EPB41L1: variants seen among roughly 807,000 people sequenced by gnomAD.
EPB41L1 encodes erythrocyte membrane protein band 4.1 like 1.
EPB41L1 carries 29 observed loss-of-function variants against 97.8 expected under a neutral mutation model. The observed-to-expected ratio is 0.30, with a 90% CI of 0.22 to 0.40. The LOEUF is 0.40. Ranked by LOEUF, EPB41L1 falls within the 10% of genes least tolerant of loss-of-function variation. EPB41L1 has a pLI of 1.00. For synonymous variants in EPB41L1, 383 were observed against 459.2 expected, an observed-to-expected ratio of 0.83 and a Z score of 2.12; for missense variants, 812 against 1,162.3, an observed-to-expected ratio of 0.70 and a Z score of 4.38.
At chr20:36,227,742 G>A (rs2064256475) in intron 21 of EPB41L1, among the ~76,000 whole-genome samples, 1 of 152,182 alleles carries the variant, frequency 6.6e-6, no homozygotes, top group Non-Finnish European at 1.5e-5. Flanking sequence ...AGTTAACTCT[G>A]TCTTCCTTCT....
Position 36,206,680 on chromosome 20 carries a change from A to G in EPB41L1, c.1669-2808A>G. On this transcript the variant is annotated intron_variant, in intron 14 of 21. Transcript: ENST00000338074. This position sits in a 1 kb window ranked among gnomAD's most constrained non-coding sequence, Gnocchi z 5.5. ...AAAGGAAGGGGCAGGGACCCCCAAG[A>G]ACCATGGAGGACCTGGTGACCTGAA... 6 of 1,289,812 alleles carry G rather than the reference A, an allele frequency of 4.7e-6. No homozygotes were observed. The highest frequency in any genetic ancestry group is 6.1e-6 in the Non-Finnish European group (6 of 988,860). The allele number at this position is 1,289,812 out of a possible 1,614,324, so 79.9% of individuals were successfully genotyped here.
rs372366944 is a variant in EPB41L1 at position 36,175,610 on chromosome 20, G to A, written c.237G>A (p.Thr79=). The A allele has an allele frequency of 3.2e-5, 51 of 1,614,162 alleles. No homozygotes were observed. The highest frequency in any genetic ancestry group is 4.0e-5 in the African/African-American group (3 of 75,050). Residue 79 remains threonine (T), a synonymous_variant, in exon 3 of 22, where the codon ACG becomes ACA. Transcript: ENST00000338074. ...CCGATGGCCTTTCGGAGAGGACCAC[G>A]CCCAGCAAGGCCCAGAAATCGCCCC... The part of the protein sequence containing the change: ...SEADGLSERT[T]PSKAQKSPQK...
At position 36,134,244 on chromosome 20, in the gene EPB41L1, C is replaced by A. The variant is rs531012130; in HGVS notation, c.-10+21764C>A. Among the ~76,000 whole-genome samples the A allele has an allele frequency of 7.6e-4, 115 of 152,252 alleles. 1 individual carries two copies. The highest frequency in any genetic ancestry group is 2.6e-3 in the African/African-American group (106 of 41,522). On this transcript the variant is annotated intron_variant, in intron 2 of 19. Coordinates refer to the EPB41L1 transcript ENST00000202028. ...CAAATATGTAAACTTAAGCTTGACA[C>A]AACAAGAAATAGCGATGGTGAAATA...
At chr20:36,193,167 G>A (rs2062037701) in intron 11 of EPB41L1, among the ~76,000 whole-genome samples, 1 of 152,166 alleles carries the variant, frequency 6.6e-6, no homozygotes, top group Admixed American at 6.5e-5. Context: ...GCCCAGAGCT[G>A]GTGAAGCTCA....
chr20:36,222,450 C>T (rs751987646), intron 21 of EPB41L1, 56 bp downstream of exon 21: 4 of 1,366,260 alleles, frequency 2.9e-6, no homozygotes, highest in Admixed American at 3.4e-5. Context: ...GTAGCAAGAT[C>T]CTCTGAGGGC....
At position 36,093,229 on chromosome 20, in the gene EPB41L1, G is replaced by A. The variant is rs1324964699; in HGVS notation, c.-65+1617G>A. On this transcript the variant is annotated intron_variant, in intron 1 of 19. Coordinates refer to the EPB41L1 transcript ENST00000202028. This position sits in a 1 kb window ranked among gnomAD's most constrained non-coding sequence, Gnocchi z 5.4. The stretch of plus-strand genomic sequence containing the variant: ...TGTCTGTCGGTGAATGTATCTGTGA[G>A]AGGGTGTGTCCGAATGTGTAGCAGT... Among the ~76,000 whole-genome samples, 2 of 152,100 alleles carry A rather than the reference G, an allele frequency of 1.3e-5. No homozygotes were observed. Among genetic ancestry groups the A allele is most frequent in the African/African-American group, 2.4e-5 (1 of 41,422 alleles).
intron 1 of EPB41L1, among the ~76,000 whole-genome samples, chr20:36,107,515 G>A (rs541296630): frequency 6.9e-6 from 1 of 145,726 alleles, no homozygotes; most frequent in Non-Finnish European, 1.5e-5. Flanking sequence ...CACCGTGCCC[G>A]GCTTTTTTTT....
chr20:36,121,166 C>G (rs188212939), intron 2 of EPB41L1, among the ~76,000 whole-genome samples: 5 of 151,910 alleles, frequency 3.3e-5, no homozygotes, highest in African/African-American at 1.2e-4. Context: ...CAGAAAGCAG[C>G]CCTCAGTAGA....
chr20:36,154,743 C>T lies in EPB41L1; in HGVS notation c.-168C>T, dbSNP rs896973102. 143 of 986,276 alleles carry T rather than the reference C, an allele frequency of 1.4e-4. No homozygotes were observed. The highest frequency in any genetic ancestry group is 5.2e-4 in the Middle Eastern group (1 of 1,940). The allele number at this position is 986,276 out of a possible 1,614,324, so 61.1% of individuals were successfully genotyped here. ...CCGCCGCCGCCGCCGCTGCTGCAGT[C>T]GGCATCCATCAGCGGGCGGGGGTGT... On this transcript the variant is annotated 5_prime_UTR_variant, in exon 1 of 22. Coordinates refer to ENST00000338074, the MANE Select transcript of EPB41L1 (RefSeq NM_012156.2). The surrounding 1 kb of genome is among the most constrained non-coding windows in gnomAD (Gnocchi z 5.5).
Position 36,132,577 on chromosome 20 carries a change from G to GC in EPB41L1, c.-10+20097_-10+20098insC, listed in dbSNP as rs1315077822. Among the ~76,000 whole-genome samples, 6 of 128,116 alleles carry GC rather than the reference G, an allele frequency of 4.7e-5. 1 individual carries two copies. In the East Asian group the frequency reaches 1.7e-3, roughly 37 times the overall value. The allele number at this position is 128,116 out of a possible 152,430, so 84.0% of individuals were successfully genotyped here. On this transcript the variant is annotated intron_variant, in intron 2 of 19. Transcript: ENST00000202028. Reference sequence around the variant, plus strand: ...GGACATCTTTGTGGGCGGGGGGGGGGGGCGCATTATTATGCCTGCCACAGC... The same window carrying GC: ...GGACATCTTTGTGGGCGGGGGGGGGGCGGCGCATTATTATGCCTGCCACAGC...
At chr20:36,229,284 T>TGCG in intron 21 of EPB41L1, 48 bp from the exon 22 acceptor site, 1 of 1,440,986 alleles carries the variant, frequency 6.9e-7, no homozygotes, top group Non-Finnish European at 9.7e-7. Flanking sequence ...TTCCTTCCTT[T>TGCG]CCCCCCACTC....
At chr20:36,127,514 C>T (rs909871017) in intron 2 of EPB41L1, among the ~76,000 whole-genome samples, 23 of 152,252 alleles carry the variant, frequency 1.5e-4, no homozygotes, top group Admixed American at 2.6e-4. Flanking sequence ...TCCCCTTGCT[C>T]ATTCGTCTTT....
At chr20:36,112,511 C>A (rs180741726) in intron 2 of EPB41L1, 1 of 152,386 alleles carries the variant, frequency 6.6e-6, no homozygotes, top group Admixed American at 6.5e-5. Context: ...GACTTATTCT[C>A]CTTCTGCTGA....
At chr20:36,161,994 G>A (rs943834415) in intron 1 of EPB41L1, among the ~76,000 whole-genome samples, 2 of 152,142 alleles carry the variant, frequency 1.3e-5, no homozygotes, top group African/African-American at 4.8e-5. Context: ...AAACTCCTGG[G>A]CTCAAGCAAT....
intron 14 of EPB41L1, among the ~76,000 whole-genome samples, chr20:36,205,353 C>A (rs933084763): frequency 6.6e-6 from 1 of 152,208 alleles, no homozygotes; most frequent in African/African-American, 2.4e-5. Flanking sequence ...CTAACAGTGA[C>A]CTTGGGCAAG....
chr20:36,185,439 C>T, intron 7 of EPB41L1, 104 bp downstream of exon 7: 1 of 1,082,066 alleles, frequency 9.2e-7, no homozygotes. Context: ...TGTTTGTACC[C>T]CGCCTGGCTC....
intron 1 of EPB41L1, chr20:36,155,363 C>T (rs2060250466): frequency 2.8e-6 from 1 of 361,236 alleles, no homozygotes; most frequent in South Asian, 2.1e-5. Context: ...CCTCCCCTTC[C>T]GTCTCCCTTC....
chr20:36,213,591 TTTTAGTAACACGTGTTTCTG>T (rs2146895413), intron 16 of EPB41L1, among the ~76,000 whole-genome samples: 1 of 152,304 alleles, frequency 6.6e-6, no homozygotes, highest in Admixed American at 6.5e-5. Flanking sequence ...ACCTGTTTTG[TTTTAGTAACACGTGTTTCTG>T]TTGTGTTTTC....
At chr20:36,163,108 G>A (rs915278445) in intron 1 of EPB41L1, among the ~76,000 whole-genome samples, 1 of 150,408 alleles carries the variant, frequency 6.6e-6, no homozygotes, top group Non-Finnish European at 1.5e-5. Context: ...GAAAGAATAA[G>A]CCCTAATAGG....
Sources: allele counts gnomAD v4.1 joint callset (sites outside exome capture counted in the v4.1 genomes callset), GRCh38; gene constraint gnomAD v4.1.1; non-coding constraint Gnocchi (gnomAD v3.1); transcripts MANE v1.5; gene names NCBI Gene and HGNC (gene_info 2026-07-23, HGNC 2026-07-21).